LY6S: variants seen among roughly 807,000 people sequenced by gnomAD.
LY6S encodes lymphocyte antigen 6 family member S, also known as lymphocyte antigen 6S.
the LY6S span, chr8:143,043,048 T>C: frequency 1.5e-6 from 2 of 1,367,706 alleles, no homozygotes; most frequent in Non-Finnish European, 2.0e-6. Flanking sequence ...GTGAGGCAGC[T>C]CTTCAAAACC....
chr8:143,049,159 G>A, the LY6S span: 9 of 534,514 alleles, frequency 1.7e-5, no homozygotes, highest in African/African-American at 3.9e-5. Flanking sequence ...AGCTTGGCTC[G>A]GGGACACCTG....
chr8:143,043,880 G>A, the LY6S span, among the ~76,000 whole-genome samples: 1 of 152,178 alleles, frequency 6.6e-6, no homozygotes, highest in African/African-American at 2.4e-5. Context: ...TCTCCATGTT[G>A]GTCAGGCTGG....
chr8:143,073,940 C>CTCCAGGGT, the LY6S span, among the ~76,000 whole-genome samples: 2 of 150,586 alleles, frequency 1.3e-5, no homozygotes, highest in South Asian at 2.1e-4. Context: ...CAGCCGTCGT[C>CTCCAGGGT]CCCGGGGTCC....
At chr8:143,066,157 C>CTTTTCTTTTA in the LY6S span, 1 of 314,780 alleles carries the variant, frequency 3.2e-6, no homozygotes, top group Non-Finnish European at 6.0e-6. Flanking sequence ...AATTTCTTTT[C>CTTTTCTTTTA]TTTTCTTTTC....
the LY6S span, among the ~76,000 whole-genome samples, chr8:143,041,028 G>A: frequency 6.6e-5 from 10 of 152,176 alleles, no homozygotes; most frequent in African/African-American, 2.4e-4. Flanking sequence ...AACGGAGGCA[G>A]GGCGAGATCA....
the LY6S span, chr8:143,044,659 C>T: frequency 2.2e-6 from 3 of 1,365,294 alleles, no homozygotes; most frequent in Non-Finnish European, 2.9e-6. Context: ...AACCTGCCCT[C>T]TGCCCTGGCA....
chr8:143,071,770 G>A, the LY6S span, among the ~76,000 whole-genome samples: 5 of 152,092 alleles, frequency 3.3e-5, no homozygotes, highest in Non-Finnish European at 5.9e-5. Context: ...TCCCGTCTAC[G>A]CACGTGCCCG....
chr8:143,052,258 G>A, the LY6S span, among the ~76,000 whole-genome samples: 2 of 152,176 alleles, frequency 1.3e-5, no homozygotes, highest in Non-Finnish European at 1.5e-5. Flanking sequence ...TCCAGCCTGG[G>A]GGACACAGCG....
At chr8:143,054,599 G>A in the LY6S span, among the ~76,000 whole-genome samples, 53 of 151,940 alleles carry the variant, frequency 3.5e-4, no homozygotes, top group Non-Finnish European at 4.1e-4. Flanking sequence ...GTGTATCTAC[G>A]ACTCCCTCCA....
chr8:143,048,366 G>A, the LY6S span, among the ~76,000 whole-genome samples: 741 of 152,040 alleles, frequency 4.9e-3, 5 homozygotes, highest in African/African-American at 0.016. Context: ...TTCTGGCCTC[G>A]TTTCAGACAC....
At chr8:143,069,928 G>A in the LY6S span, among the ~76,000 whole-genome samples, 1 of 152,148 alleles carries the variant, frequency 6.6e-6, no homozygotes, top group Non-Finnish European at 1.5e-5. Flanking sequence ...ACCCAGCGTC[G>A]TGGGAAGCCC....
chr8:143,068,972 G>A, the LY6S span, among the ~76,000 whole-genome samples: 2 of 152,142 alleles, frequency 1.3e-5, no homozygotes, highest in African/African-American at 4.8e-5. Flanking sequence ...CTGGGAGTTG[G>A]AAACGAAAGT....
chr8:143,072,476 C>G, the LY6S span, among the ~76,000 whole-genome samples: 227 of 69,092 alleles, frequency 3.3e-3, no homozygotes, highest in Middle Eastern at 0.026. Flanking sequence ...GACAGCCGTC[C>G]TCCCCGGGGT....
At chr8:143,066,322 C>T in the LY6S span, 21 of 207,238 alleles carry the variant, frequency 1.0e-4, no homozygotes, top group South Asian at 4.1e-4. Context: ...ACCATCACAC[C>T]GGCTATTTTT....
At chr8:143,040,857 G>A in the LY6S span, among the ~76,000 whole-genome samples, 9 of 152,256 alleles carry the variant, frequency 5.9e-5, no homozygotes, top group South Asian at 2.1e-4. Context: ...AAAGCTGGGC[G>A]TCCGGGGGAG....
chr8:143,049,704 C>A, the LY6S span, among the ~76,000 whole-genome samples: 2 of 152,194 alleles, frequency 1.3e-5, no homozygotes, highest in African/African-American at 2.4e-5. Flanking sequence ...CCATTTCACC[C>A]CCTCCTTATG....
At chr8:143,040,873 A>C in the LY6S span, among the ~76,000 whole-genome samples, 1 of 152,182 alleles carries the variant, frequency 6.6e-6, no homozygotes, top group African/African-American at 2.4e-5. Context: ...GGGAGACATC[A>C]CATGTCGGCA....
the LY6S span, among the ~76,000 whole-genome samples, chr8:143,074,262 CAT>C: frequency 0.51 from 77,957 of 151,794 alleles, 22,672 homozygotes; most frequent in Non-Finnish European, 0.63. Context: ...TTCCAATACA[CAT>C]GTTAGACAGT....
chr8:143,057,517 G>A, the LY6S span: 2 of 796,186 alleles, frequency 2.5e-6, no homozygotes, highest in Admixed American at 2.0e-5. Context: ...CAAAGTGCTG[G>A]GATTACAGGC....
Sources: allele counts gnomAD v4.1 joint callset (sites outside exome capture counted in the v4.1 genomes callset), GRCh38; gene constraint gnomAD v4.1.1; transcripts MANE v1.5; gene names NCBI Gene and HGNC (gene_info 2026-07-23, HGNC 2026-07-21).